Variants in PPA2 observed in about 807,000 individuals in gnomAD.
PPA2 encodes inorganic pyrophosphatase 2, mitochondrial.
PPA2 carries 48 observed loss-of-function variants against 49.5 expected under a neutral mutation model. That is an observed-to-expected ratio of 0.97 (90% confidence interval 0.77 to 1.23). The LOEUF (loss-of-function observed/expected upper bound fraction) is 1.23. Among genes scored for constraint, PPA2 ranks in the 50% most tolerant of loss-of-function variants. The pLI is 0.00. For synonymous variants in PPA2, 131 were observed against 139.9 expected (o/e 0.94, Z 0.45); for missense variants, 429 against 410.1 (o/e 1.05, Z -0.40).
At chr4:105,440,954 C>G (rs1165786463) in intron 5 of PPA2, among the ~76,000 whole-genome samples, 1 of 152,156 alleles carries the variant, frequency 6.6e-6, no homozygotes, top group Non-Finnish European at 1.5e-5. Context: ...TATTTCCAAC[C>G]TTTAATACTC....
intron 3 of PPA2, among the ~76,000 whole-genome samples, chr4:105,451,585 C>T (rs776918868): frequency 2.6e-5 from 4 of 152,144 alleles, no homozygotes; most frequent in Non-Finnish European, 5.9e-5. Flanking sequence ...AAGTAAATGG[C>T]AGATGTCCAC....
At chr4:105,377,632 A>G (rs1255955691) in intron 10 of PPA2, among the ~76,000 whole-genome samples, 6 of 152,166 alleles carry the variant, frequency 3.9e-5, no homozygotes, top group African/African-American at 1.4e-4. Context: ...TGAAGCCATC[A>G]ATATAATCAA....
chr4:105,454,497 A>ATT (rs908573155), intron 2 of PPA2, among the ~76,000 whole-genome samples: 74 of 150,992 alleles, frequency 4.9e-4, no homozygotes, highest in African/African-American at 1.7e-3. Context: ...GGCCTGGCTA[A>ATT]TTTTTTTTTG....
chr4:105,465,749 C>A (rs1723275663), intron 1 of PPA2, among the ~76,000 whole-genome samples: 1 of 152,134 alleles, frequency 6.6e-6, no homozygotes, highest in Non-Finnish European at 1.5e-5. Flanking sequence ...AGCTGACCAC[C>A]CCCCAGCAAG....
chr4:105,467,084 C>G (rs1283808660), intron 1 of PPA2, among the ~76,000 whole-genome samples: 1 of 152,192 alleles, frequency 6.6e-6, no homozygotes, highest in South Asian at 2.1e-4. Flanking sequence ...TTTAGAGAAA[C>G]AGTTAACAAC....
At chr4:105,415,534 G>A (rs1422080419) in intron 7 of PPA2, among the ~76,000 whole-genome samples, 4 of 152,224 alleles carry the variant, frequency 2.6e-5, no homozygotes, top group Non-Finnish European at 5.9e-5. Context: ...AGGCACTTCC[G>A]AGCCTGCAGA....
chr4:105,465,835 G>C (rs1163636542), intron 1 of PPA2, among the ~76,000 whole-genome samples: 1 of 152,092 alleles, frequency 6.6e-6, no homozygotes, highest in Non-Finnish European at 1.5e-5. Context: ...TCAATTCTTA[G>C]ATTTTTTTCT....
intron 11 of PPA2, chr4:105,370,596 A>G (rs1732982777): frequency 4.5e-5 from 44 of 980,004 alleles, no homozygotes; most frequent in Non-Finnish European, 5.2e-5. Flanking sequence ...CAGCGAAAAA[A>G]AAAGTCACCG....
At chr4:105,457,895 A>G (rs943165284) in intron 1 of PPA2, among the ~76,000 whole-genome samples, 1 of 152,148 alleles carries the variant, frequency 6.6e-6, no homozygotes, top group African/African-American at 2.4e-5. Context: ...CCATTCTCCA[A>G]TAAAAGGAAC....
intron 9 of PPA2, among the ~76,000 whole-genome samples, chr4:105,388,825 CA>C (rs771537412): frequency 7.0e-5 from 4 of 56,870 alleles, no homozygotes; most frequent in African/African-American, 5.1e-5. Flanking sequence ...GCAACGTCTC[CA>C]AAAAAAAAAG....
chr4:105,374,861 T>TTC (rs1733179434), intron 10 of PPA2, among the ~76,000 whole-genome samples: 1 of 149,302 alleles, frequency 6.7e-6, no homozygotes, highest in Non-Finnish European at 1.5e-5. Flanking sequence ...CTTTTTTCTT[T>TTC]TTTTTTTTTT....
chr4:105,403,251 C>A (rs971516693), intron 7 of PPA2, among the ~76,000 whole-genome samples: 3 of 152,018 alleles, frequency 2.0e-5, no homozygotes, highest in Non-Finnish European at 2.9e-5. Context: ...TGCTTTGTTG[C>A]CCAGGCTGGT....
At chr4:105,391,119 A>G (rs1391305904) in intron 9 of PPA2, among the ~76,000 whole-genome samples, 3 of 152,110 alleles carry the variant, frequency 2.0e-5, no homozygotes, top group Admixed American at 6.6e-5. Context: ...CTCACTTACA[A>G]GTGGGGGCTG....
intron 10 of PPA2, among the ~76,000 whole-genome samples, chr4:105,383,090 A>C (rs1263034172): frequency 6.6e-6 from 1 of 152,144 alleles, no homozygotes; most frequent in African/African-American, 2.4e-5. Flanking sequence ...GCTGTAGCCC[A>C]CTCAGAGCAC....
chr4:105,446,027 A>G (rs11947227), intron 5 of PPA2, among the ~76,000 whole-genome samples: 3,003 of 152,250 alleles, frequency 0.02, 79 homozygotes, highest in African/African-American at 0.064. Context: ...ATCATATATG[A>G]ATGTGTATAA....
chr4:105,416,277 C>T (rs1186254556), intron 7 of PPA2, among the ~76,000 whole-genome samples: 2 of 152,160 alleles, frequency 1.3e-5, no homozygotes, highest in Non-Finnish European at 2.9e-5. Flanking sequence ...GTGAAGAAAG[C>T]ATACAATCGG....
chr4:105,414,920 C>A (rs543846561), intron 7 of PPA2, among the ~76,000 whole-genome samples: 5 of 152,210 alleles, frequency 3.3e-5, no homozygotes, highest in African/African-American at 1.2e-4. Context: ...AGCTCCTATC[C>A]ACAGGTAGGT....
At chr4:105,472,878 A>G (rs547921846) in intron 1 of PPA2, among the ~76,000 whole-genome samples, 201 of 152,304 alleles carry the variant, frequency 1.3e-3, no homozygotes, top group African/African-American at 4.8e-3. Flanking sequence ...TAATCAGTTT[A>G]CATATATAAT....
chr4:105,377,938 C>T (rs1481666068), intron 10 of PPA2, among the ~76,000 whole-genome samples: 1 of 152,086 alleles, frequency 6.6e-6, no homozygotes, highest in South Asian at 2.1e-4. Flanking sequence ...CATTCATCTA[C>T]TGATGAACAT....
Sources: gnomAD v4.1 joint callset for allele counts (sites outside exome capture counted in the v4.1 genomes callset) on GRCh38, gnomAD v4.1.1 for gene constraint, MANE v1.5 for transcripts, NCBI Gene and HGNC (gene_info 2026-07-23, HGNC 2026-07-21) for gene names.